The following HNRNPLL variants were observed in gnomAD, a reference collection of about 807,000 sequenced individuals.
HNRNPLL encodes heterogeneous nuclear ribonucleoprotein L-like.
HNRNPLL carries 25 observed loss-of-function variants against 67.1 expected under a neutral mutation model. The ratio of observed to expected loss-of-function variants is 0.37; its 90% CI spans 0.27 to 0.52. The LOEUF (loss-of-function observed/expected upper bound fraction) is 0.52. Ranked by LOEUF, HNRNPLL falls within the 20% of genes least tolerant of loss-of-function variation. The probability of loss-of-function intolerance (pLI) is 0.90; values close to 1 mark genes in which losing one functional copy is unlikely to be tolerated. For missense variants in HNRNPLL, 542 were observed against 673.9 expected, an observed-to-expected ratio of 0.80 and a Z score of 2.17; for synonymous variants, 267 against 241.7, an observed-to-expected ratio of 1.10 and a Z score of -0.97.
rs997590144 is a variant in HNRNPLL at position 38,562,516 on chromosome 2, A to G, written c.*1666T>C. 2 of 152,176 alleles carry G rather than the reference A, an allele frequency of 1.3e-5. No individual in the cohort carries two copies. Among genetic ancestry groups the G allele is most frequent in the African/African-American group, 4.8e-5 (2 of 41,448 alleles). 9.4% of individuals were successfully genotyped at this position (152,176 alleles called of 1,614,324 possible). On this transcript the variant is annotated 3_prime_UTR_variant, in exon 13 of 13. Transcript: ENST00000449105. Reference sequence around the variant, plus strand: ...GTAGACAACTATTACATAAACCAAAATTAAGGTATTTCAATTTTTCAAAAG... The same window carrying G: ...GTAGACAACTATTACATAAACCAAAGTTAAGGTATTTCAATTTTTCAAAAG...
chr2:38,597,157 A>G (rs765069793), intron 1 of HNRNPLL, among the ~76,000 whole-genome samples: 4 of 152,352 alleles, frequency 2.6e-5, no homozygotes, highest in Admixed American at 6.5e-5. Flanking sequence ...CAGTATAAAC[A>G]AAGGTTCAAT....
chr2:38,578,145 A>G (rs942133611), intron 6 of HNRNPLL: 20 of 381,378 alleles, frequency 5.2e-5, no homozygotes, highest in African/African-American at 3.4e-4. Flanking sequence ...TCTATTGACC[A>G]TAACACCAGG....
intron 1 of HNRNPLL, among the ~76,000 whole-genome samples, chr2:38,592,076 G>T (rs150226653): frequency 6.6e-6 from 1 of 151,936 alleles, no homozygotes; most frequent in African/African-American, 2.4e-5. Flanking sequence ...AAACCAAATC[G>T]CAATTCACAA....
At chr2:38,577,757 T>C (rs895881685) in intron 6 of HNRNPLL, among the ~76,000 whole-genome samples, 9 of 152,130 alleles carry the variant, frequency 5.9e-5, no homozygotes, top group African/African-American at 1.7e-4. Flanking sequence ...ATATATCTTT[T>C]TGGCAAATGC....
intron 1 of HNRNPLL, chr2:38,602,155 A>G (rs1667465392): frequency 4.3e-6 from 2 of 461,258 alleles, no homozygotes; most frequent in Non-Finnish European, 3.8e-6. Flanking sequence ...AGCGGAAGCG[A>G]CGCCTCCCCG....
rs72905878 is a variant in HNRNPLL, at chr2:38,563,630, G to A, written c.*552C>T. Reference sequence around the variant, plus strand: ...ATAAGTTTGAATGCATACTGTACACGTGTATCCATGTCTGTTAGCCTTTCA... The same window carrying A: ...ATAAGTTTGAATGCATACTGTACACATGTATCCATGTCTGTTAGCCTTTCA... On this transcript the variant is annotated 3_prime_UTR_variant, in exon 13 of 13. Transcript: ENST00000449105. 1,522 of 152,536 alleles carry A rather than the reference G, an allele frequency of 1.0e-2. 10 individuals carry two copies. Among genetic ancestry groups the A allele is most frequent in the African/African-American group, 0.019 (789 of 41,526 alleles). The allele number at this position is 152,536 out of a possible 1,614,324, so 9.4% of individuals were successfully genotyped here.
chr2:38,585,515 G>T, intron 3 of HNRNPLL, 129 bp downstream of exon 3: 1 of 616,732 alleles, frequency 1.6e-6, no homozygotes, highest in Non-Finnish European at 2.9e-6. Context: ...AACTTGTTAA[G>T]ATTAATTTTC....
At chr2:38,585,552 T>C in intron 3 of HNRNPLL, 92 bp downstream of exon 3, 2 of 742,136 alleles carry the variant, frequency 2.7e-6, no homozygotes, top group Non-Finnish European at 4.7e-6. Flanking sequence ...TTTTCTAGTA[T>C]CTAGATGGCA....
At chr2:38,565,389 T>C (rs1172945289) in intron 12 of HNRNPLL, among the ~76,000 whole-genome samples, 2 of 151,886 alleles carry the variant, frequency 1.3e-5, no homozygotes, top group Non-Finnish European at 2.9e-5. Flanking sequence ...TAAAATTTCC[T>C]TTTTTTTCTT....
intron 6 of HNRNPLL, among the ~76,000 whole-genome samples, chr2:38,578,926 C>A (rs1186269410): frequency 2.6e-5 from 4 of 152,080 alleles, no homozygotes; most frequent in African/African-American, 9.7e-5. Context: ...TCCTAACATT[C>A]ACAGTTCCTT....
intron 1 of HNRNPLL, among the ~76,000 whole-genome samples, chr2:38,592,277 T>C (rs1351592845): frequency 6.6e-6 from 1 of 152,164 alleles, no homozygotes. Context: ...TTGATACTCA[T>C]TAACCTCCAT....
intron 12 of HNRNPLL, among the ~76,000 whole-genome samples, chr2:38,564,982 G>A (rs1573715227): frequency 6.8e-6 from 1 of 146,020 alleles, no homozygotes; most frequent in Non-Finnish European, 1.5e-5. Context: ...GGGTACATAA[G>A]TTTTGAAATT....
At chr2:38,589,167 A>T (rs974021316) in intron 2 of HNRNPLL, among the ~76,000 whole-genome samples, 1 of 152,240 alleles carries the variant, frequency 6.6e-6, no homozygotes, top group African/African-American at 2.4e-5. Flanking sequence ...GAAAAATAAC[A>T]AAAGTTAAAA....
In HNRNPLL at chr2:38,602,598, T is replaced by C. The variant is rs751549868; in HGVS notation, c.29A>G (p.Glu10Gly). 1.9e-6 allele frequency: 3 copies of C among 1,561,048 alleles called. No individual in the cohort carries two copies. Among genetic ancestry groups the C allele is most frequent in the Admixed American group, 1.9e-5 (1 of 52,922 alleles). Residue 10 changes from glutamate to glycine, a missense_variant, in exon 1 of 13, where the codon GAG becomes GGG. Physicochemically the swap from Glu to Gly is moderately conservative, Grantham distance 98. Coordinates refer to ENST00000449105, the MANE Select transcript of HNRNPLL (RefSeq NM_138394.4). MSSSSSSPR[E>G]TYEEDREYES... Reference sequence around the variant, plus strand: ...GTACTCCCGGTCCTCCTCGTACGTCTCCCTGGGGGAGGAAGAGGAGGAGGA... The same window carrying C: ...GTACTCCCGGTCCTCCTCGTACGTCCCCCTGGGGGAGGAAGAGGAGGAGGA...
intron 1 of HNRNPLL, among the ~76,000 whole-genome samples, chr2:38,595,276 A>T (rs867743724): frequency 3.1e-4 from 36 of 114,354 alleles, no homozygotes; most frequent in African/African-American, 4.0e-4. Context: ...CTTGTCTAAA[A>T]AAAAAAAAAA....
rs562179819 is a variant in HNRNPLL, at chr2:38,590,332, T to C, written c.308+1198A>G. Among the ~76,000 whole-genome samples, 59 of 152,316 alleles carry C rather than the reference T, an allele frequency of 3.9e-4. 1 individual carries two copies. The highest frequency in any genetic ancestry group is 1.4e-3 in the African/African-American group (59 of 41,568). ...CATTATCTATGCATTTTCCTCTCAA[T>C]ACTCAAATACTTAACATGAATTTTT... On this transcript the variant is annotated intron_variant, in intron 2 of 12. Transcript: ENST00000449105.
At chr2:38,595,767 C>T (rs1667162628) in intron 1 of HNRNPLL, among the ~76,000 whole-genome samples, 1 of 152,144 alleles carries the variant, frequency 6.6e-6, no homozygotes, top group Admixed American at 6.5e-5. Context: ...TGGCGTGAAC[C>T]CGGGAGGCAG....
chr2:38,597,976 C>T (rs367917678), intron 1 of HNRNPLL, among the ~76,000 whole-genome samples: 6 of 151,996 alleles, frequency 3.9e-5, no homozygotes, highest in African/African-American at 7.2e-5. Context: ...CGTGAGCCAC[C>T]GTGCCCGGCC....
chr2:38,586,507 G>C (rs1666740106), intron 2 of HNRNPLL, among the ~76,000 whole-genome samples: 1 of 152,158 alleles, frequency 6.6e-6, no homozygotes, highest in Admixed American at 6.5e-5. Context: ...CAAAGACATA[G>C]AAACCAACGC....
Sources: gnomAD v4.1 joint callset for allele counts (sites outside exome capture counted in the v4.1 genomes callset) on GRCh38, gnomAD v4.1.1 for gene constraint, MANE v1.5 for transcripts, NCBI Gene and HGNC (gene_info 2026-07-23, HGNC 2026-07-21) for gene names.